The following TMEM117 variants were observed in gnomAD, a reference collection of about 807,000 sequenced individuals.
TMEM117 encodes the protein transmembrane protein 117.
In TMEM117, 27 loss-of-function variants were observed where a neutral mutation model predicts 52.4. That is an observed-to-expected ratio of 0.51 (90% confidence interval 0.38 to 0.71). The LOEUF is 0.71. TMEM117 is among the 30% of genes least tolerant of loss of function. TMEM117 has a pLI of 0.00. For missense variants in TMEM117, 556 were observed against 630.5 expected, an observed-to-expected ratio of 0.88 and a Z score of 1.26; for synonymous variants, 215 against 206.3, an observed-to-expected ratio of 1.04 and a Z score of -0.36.
intron 3 of TMEM117, among the ~76,000 whole-genome samples, chr12:44,131,979 G>C (rs1368359202): frequency 6.6e-6 from 1 of 151,726 alleles, no homozygotes; most frequent in Non-Finnish European, 1.5e-5. Flanking sequence ...TATTTTCCTT[G>C]TTAGAGATTT....
At chr12:44,264,314 C>G (rs1950352768) in intron 5 of TMEM117, among the ~76,000 whole-genome samples, 1 of 152,228 alleles carries the variant, frequency 6.6e-6, no homozygotes, top group Admixed American at 6.5e-5. Context: ...GAAGCTTCAC[C>G]CTAAGACAGT....
At chr12:44,128,901 C>A (rs539812151) in intron 3 of TMEM117, among the ~76,000 whole-genome samples, 125 of 152,276 alleles carry the variant, frequency 8.2e-4, no homozygotes, top group Non-Finnish European at 1.4e-3. Context: ...TCCAATATCC[C>A]TTTTGAAGTT....
At chr12:43,870,956 T>G (rs1432621424) in intron 2 of TMEM117, among the ~76,000 whole-genome samples, 1 of 151,676 alleles carries the variant, frequency 6.6e-6, no homozygotes, top group African/African-American at 2.4e-5. Flanking sequence ...GGCTAGTTTT[T>G]ATATTTCTAG....
chr12:43,829,420 G>A, the TMEM117 span, among the ~76,000 whole-genome samples: 14 of 152,192 alleles, frequency 9.2e-5, no homozygotes, highest in African/African-American at 3.4e-4. Flanking sequence ...TCAAGTGCTT[G>A]ATAGACTAGT....
At chr12:44,069,091 T>C (rs942411178) in intron 3 of TMEM117, among the ~76,000 whole-genome samples, 5 of 152,200 alleles carry the variant, frequency 3.3e-5, no homozygotes, top group Admixed American at 1.3e-4. Flanking sequence ...TTTATTTAGG[T>C]GATGACTGAC....
intron 2 of TMEM117, among the ~76,000 whole-genome samples, chr12:43,858,993 C>T (rs944716889): frequency 2.6e-5 from 4 of 152,022 alleles, no homozygotes; most frequent in Non-Finnish European, 5.9e-5. Context: ...GAAGTCAAAC[C>T]GAAGAGAAAT....
rs1238233887 is a variant in TMEM117, at chr12:44,309,747, A to T, written c.768+10008A>T. 3.3e-5 allele frequency among the ~76,000 whole-genome samples: 5 copies of T among 151,378 alleles called. No individual in the cohort carries two copies. The East Asian group carries it at 9.6e-4, about 29-fold the overall frequency. Reference sequence around the variant, plus strand: ...AATGGGAATTTCCTAAGGCACACAGATACAGTCTGGATTCAGCAGAATGAG... The same window carrying T: ...AATGGGAATTTCCTAAGGCACACAGTTACAGTCTGGATTCAGCAGAATGAG... On this transcript the variant is annotated intron_variant, in intron 6 of 7. Coordinates refer to ENST00000266534, the MANE Select transcript of TMEM117 (RefSeq NM_032256.3).
At chr12:44,071,351 T>C (rs968998157) in intron 3 of TMEM117, among the ~76,000 whole-genome samples, 1 of 152,098 alleles carries the variant, frequency 6.6e-6, no homozygotes, top group African/African-American at 2.4e-5. Context: ...CAACAGACCT[T>C]GGGATTGAAA....
rs189565265 is a variant in TMEM117 at position 44,188,868 on chromosome 12, G to A, written c.511-22422G>A. 2.3e-4 allele frequency among the ~76,000 whole-genome samples: 35 copies of A among 151,676 alleles called. 1 individual carries two copies. Among genetic ancestry groups the A allele is most frequent in the East Asian group, 7.8e-4 (4 of 5,158 alleles). On this transcript the variant is annotated intron_variant, in intron 4 of 7. Transcript: ENST00000266534. ...CTAGAATGTAAACTCTGTAATTTTC[G>A]TTTGTTTTTATTGATGTAGCCCCAG...
chr12:43,985,064 A>G (rs1018218413), intron 3 of TMEM117, among the ~76,000 whole-genome samples: 4 of 152,180 alleles, frequency 2.6e-5, no homozygotes, highest in African/African-American at 9.7e-5. Flanking sequence ...ACTAGGAATC[A>G]TTTGATAGAA....
At chr12:44,132,379 T>C (rs910390884) in intron 3 of TMEM117, among the ~76,000 whole-genome samples, 1 of 151,942 alleles carries the variant, frequency 6.6e-6, no homozygotes, top group Non-Finnish European at 1.5e-5. Context: ...TTAGGTGGGG[T>C]GAAAGTCATT....
intron 4 of TMEM117, among the ~76,000 whole-genome samples, chr12:44,159,377 G>A (rs1858992781): frequency 6.6e-6 from 1 of 152,058 alleles, no homozygotes; most frequent in African/African-American, 2.4e-5. Context: ...GTGTCCAACA[G>A]CATTATTTAC....
intron 5 of TMEM117, among the ~76,000 whole-genome samples, chr12:44,239,314 A>C (rs991561642): frequency 6.6e-6 from 1 of 152,162 alleles, no homozygotes; most frequent in African/African-American, 2.4e-5. Context: ...AGTATACAGC[A>C]TAACTCTTAC....
intron 5 of TMEM117, among the ~76,000 whole-genome samples, chr12:44,234,601 C>T (rs1468838456): frequency 6.6e-6 from 1 of 151,068 alleles, no homozygotes; most frequent in Non-Finnish European, 1.5e-5. Flanking sequence ...TTAATTTCTG[C>T]TCTTTTTTAA....
chr12:43,985,043 CAT>C (rs1372830978), intron 3 of TMEM117, among the ~76,000 whole-genome samples: 2 of 152,064 alleles, frequency 1.3e-5, no homozygotes, highest in Admixed American at 6.5e-5. Flanking sequence ...ATAAAGATTG[CAT>C]ATTAATAAAC....
intron 3 of TMEM117, among the ~76,000 whole-genome samples, chr12:44,096,338 T>C (rs1465534655): frequency 1.3e-5 from 2 of 152,050 alleles, no homozygotes; most frequent in Admixed American, 1.3e-4. Context: ...ACCAATGACT[T>C]TCTTCACAGA....
At chr12:44,153,634 A>T (rs185566946) in intron 4 of TMEM117, among the ~76,000 whole-genome samples, 2 of 152,164 alleles carry the variant, frequency 1.3e-5, no homozygotes, top group Admixed American at 1.3e-4. Flanking sequence ...AATAAGTTTT[A>T]TCTTATTATT....
At chr12:44,012,443 G>A (rs1244371483) in intron 3 of TMEM117, among the ~76,000 whole-genome samples, 1 of 148,900 alleles carries the variant, frequency 6.7e-6, no homozygotes, top group Admixed American at 6.7e-5. Context: ...CCATTACACA[G>A]TTATACCTTT....
At chr12:44,238,524 G>T (rs1405818085) in intron 5 of TMEM117, among the ~76,000 whole-genome samples, 1 of 152,052 alleles carries the variant, frequency 6.6e-6, no homozygotes, top group Non-Finnish European at 1.5e-5. Context: ...CTACTTGGGA[G>T]GGTGAGGCGT....
Sources: gnomAD v4.1 joint callset for allele counts (sites outside exome capture counted in the v4.1 genomes callset) on GRCh38, gnomAD v4.1.1 for gene constraint, MANE v1.5 for transcripts, NCBI Gene and HGNC (gene_info 2026-07-23, HGNC 2026-07-21) for gene names.